The following TPTE2 variants were observed in gnomAD, a reference collection of about 807,000 sequenced individuals.
The protein encoded by TPTE2 is phosphatidylinositol 3,4,5-trisphosphate 3-phosphatase TPTE2.
In TPTE2, 53 loss-of-function variants were observed where a neutral mutation model predicts 78.6. That is an observed-to-expected ratio of 0.67 (90% CI 0.54 to 0.85). TPTE2 has a LOEUF of 0.85. TPTE2 is among the 40% of genes least tolerant of loss of function. The probability of loss-of-function intolerance (pLI) is 0.00; values close to 1 mark genes in which losing one functional copy is unlikely to be tolerated. For missense variants in TPTE2, 461 were observed against 623.0 expected, an observed-to-expected ratio of 0.74 and a Z score of 2.77; for synonymous variants, 175 against 206.2, an observed-to-expected ratio of 0.85 and a Z score of 1.30.
At chr13:19,459,030 CCCA>C (rs148095667) in intron 10 of TPTE2, among the ~76,000 whole-genome samples, 3,515 of 152,220 alleles carry the variant, frequency 0.023, 87 homozygotes, top group East Asian at 0.082. Context: ...AATTTACACA[CCCA>C]CCAACAGTGT....
At chr13:19,536,900 AT>A (rs1871245394), upstream of TPTE2, 1 of 151,046 alleles carries the variant, frequency 6.6e-6, no homozygotes, top group African/African-American at 2.4e-5. Flanking sequence ...TTATTTATAT[AT>A]TCATGAATAT....
intron 1 of TPTE2, among the ~76,000 whole-genome samples, chr13:19,527,419 AC>A (rs1329633458): frequency 2.0e-5 from 3 of 152,332 alleles, no homozygotes; most frequent in South Asian, 2.1e-4. Flanking sequence ...TATCATCTGT[AC>A]CCCATAAATA....
chr13:19,436,715 C>A (rs1207330314), intron 14 of TPTE2, among the ~76,000 whole-genome samples: 1 of 152,144 alleles, frequency 6.6e-6, no homozygotes, highest in African/African-American at 2.4e-5. Context: ...CATGCCCGGC[C>A]ACAGTGATCT....
At chr13:19,529,342 G>C (rs977309886) in intron 1 of TPTE2, among the ~76,000 whole-genome samples, 1 of 152,026 alleles carries the variant, frequency 6.6e-6, no homozygotes, top group Admixed American at 6.6e-5. Flanking sequence ...AGCCAGGCTG[G>C]TCTCCAACTC....
chr13:19,425,814 T>TGCGAG (rs55704578), intron 18 of TPTE2: 1 of 465,942 alleles, frequency 2.1e-6, no homozygotes, highest in Non-Finnish European at 4.3e-6. Flanking sequence ...CAGTTGGCCC[T>TGCGAG]GTGTGCTGCC....
intron 1 of TPTE2, among the ~76,000 whole-genome samples, chr13:19,536,062 G>A (rs773649204): frequency 1.3e-4 from 20 of 152,030 alleles, no homozygotes; most frequent in Non-Finnish European, 2.4e-4. Context: ...AGCATATAAC[G>A]AATGCCAACC....
chr13:19,501,829 G>A (rs1169326202), intron 1 of TPTE2, among the ~76,000 whole-genome samples: 2 of 151,774 alleles, frequency 1.3e-5, no homozygotes, highest in Non-Finnish European at 2.9e-5. Flanking sequence ...CTTCTGCACA[G>A]CAAAAGAAAC....
intron 14 of TPTE2, among the ~76,000 whole-genome samples, chr13:19,436,943 C>T (rs1399125888): frequency 6.6e-6 from 1 of 151,920 alleles, no homozygotes; most frequent in Non-Finnish European, 1.5e-5. Context: ...GAATACAGGT[C>T]CCTGGATCTC....
chr13:19,437,410 G>A (rs1039232019), intron 14 of TPTE2, among the ~76,000 whole-genome samples: 2 of 152,202 alleles, frequency 1.3e-5, no homozygotes, highest in African/African-American at 4.8e-5. Flanking sequence ...AGTGGAAACA[G>A]CCCACCTTGT....
At chr13:19,455,295 G>T (rs796189867) in intron 10 of TPTE2, among the ~76,000 whole-genome samples, 6 of 152,282 alleles carry the variant, frequency 3.9e-5, no homozygotes, top group African/African-American at 1.4e-4. Context: ...ATGCTTCCCT[G>T]CCTGAGAATA....
At chr13:19,511,633 T>A (rs1869448757) in intron 1 of TPTE2, among the ~76,000 whole-genome samples, 1 of 152,108 alleles carries the variant, frequency 6.6e-6, no homozygotes, top group South Asian at 2.1e-4. Context: ...CAAAAAGTGA[T>A]GGGAACATGT....
intron 1 of TPTE2, 52 bp downstream of exon 4, chr13:19,503,172 T>G (rs1383769006): frequency 5.0e-6 from 8 of 1,611,848 alleles, no homozygotes; most frequent in African/African-American, 2.7e-5. Flanking sequence ...TGTGAATACT[T>G]CTATGCTCAG....
chr13:19,512,316 C>T (rs1177981596), intron 1 of TPTE2, among the ~76,000 whole-genome samples: 1 of 152,178 alleles, frequency 6.6e-6, no homozygotes, highest in East Asian at 1.9e-4. Flanking sequence ...AGTGAATAGA[C>T]ATTTTAATCT....
intron 1 of TPTE2, among the ~76,000 whole-genome samples, chr13:19,521,353 G>GT (rs59318645): frequency 0.92 from 139,425 of 150,968 alleles, 64,618 homozygotes; most frequent in East Asian, 1. Context: ...CTTTAAGTCT[G>GT]TTTTTTTTCT....
At chr13:19,501,782 A>G (rs889581054) in intron 1 of TPTE2, among the ~76,000 whole-genome samples, 2 of 152,044 alleles carry the variant, frequency 1.3e-5, no homozygotes, top group African/African-American at 2.4e-5. Context: ...CAATGGCAAG[A>G]AAAGCCAAAA....
chr13:19,457,351 A>G (rs768932844), intron 10 of TPTE2, among the ~76,000 whole-genome samples: 13 of 152,236 alleles, frequency 8.5e-5, no homozygotes, highest in Non-Finnish European at 1.6e-4. Context: ...GCATATGTAT[A>G]TACAGATAAT....
the TPTE2 span, among the ~76,000 whole-genome samples, chr13:19,556,508 C>G: frequency 6.6e-6 from 1 of 152,042 alleles, no homozygotes. Context: ...AGCCTAGGAA[C>G]TTATCTATTA....
intron 14 of TPTE2, among the ~76,000 whole-genome samples, chr13:19,437,062 C>CACACACAT (rs1407389898): frequency 6.6e-6 from 1 of 151,576 alleles, no homozygotes; most frequent in Non-Finnish European, 1.5e-5. Context: ...CACACACACA[C>CACACACAT]ACATACACCA....
At chr13:19,530,056 T>A (rs1465292549) in intron 1 of TPTE2, among the ~76,000 whole-genome samples, 2 of 152,212 alleles carry the variant, frequency 1.3e-5, no homozygotes, top group Admixed American at 1.3e-4. Context: ...TGAACCTAAA[T>A]GAAGAAATTC....
Sources: allele counts gnomAD v4.1 joint callset (sites outside exome capture counted in the v4.1 genomes callset), GRCh38; gene constraint gnomAD v4.1.1; transcripts MANE v1.5; gene names NCBI Gene and HGNC (gene_info 2026-07-23, HGNC 2026-07-21).